PTPRJ: variants seen among roughly 807,000 people sequenced by gnomAD.
The protein encoded by PTPRJ is receptor-type tyrosine-protein phosphatase eta.
Under a neutral mutation model 141.3 loss-of-function variants are expected in PTPRJ, and 129 were observed. The ratio of observed to expected loss-of-function variants is 0.91; its 90% CI spans 0.79 to 1.06. The LOEUF (loss-of-function observed/expected upper bound fraction) is 1.06. Ranked by LOEUF, PTPRJ falls within the 50% of genes least tolerant of loss-of-function variation. The pLI is 0.00. For missense variants in PTPRJ, 1,601 were observed against 1,679.7 expected (o/e 0.95, Z 0.82); for synonymous variants, 610 against 640.5 (o/e 0.95, Z 0.72).
At position 48,143,069 on chromosome 11, in the gene PTPRJ, G is replaced by T; in HGVS notation, c.2575+19G>T. On this transcript the variant is annotated intron_variant, in intron 12 of 24. Coordinates refer to ENST00000418331, the MANE Select transcript of PTPRJ (RefSeq NM_002843.4). Reference sequence around the variant, plus strand: ...GGGGAAGGTAAGGAGAGGCCTCCGTGGGTTAAACAGCCCATGAGTGATGCA... The same window carrying T: ...GGGGAAGGTAAGGAGAGGCCTCCGTTGGTTAAACAGCCCATGAGTGATGCA... 6.2e-7 allele frequency: 1 copy of T among 1,613,562 alleles called. No individual in the cohort carries two copies. The highest frequency in any genetic ancestry group is 2.2e-5 in the East Asian group (1 of 44,876).
chr11:48,126,775 AACACACACAC>A (rs10599361), intron 6 of PTPRJ, among the ~76,000 whole-genome samples: 47 of 137,244 alleles, frequency 3.4e-4, no homozygotes, highest in South Asian at 7.3e-4. Flanking sequence ...AGTCTGTTGC[AACACACACAC>A]ACACACACAC....
chr11:47,985,293 G>A (rs985428344), intron 1 of PTPRJ, among the ~76,000 whole-genome samples: 3 of 152,146 alleles, frequency 2.0e-5, no homozygotes, highest in East Asian at 1.9e-4. Context: ...GACTAAAGGC[G>A]TGTGCTACCA....
rs780419035 is a variant in PTPRJ, at chr11:48,145,142, G to GTCCTGGC, written c.2911+19_2911+25dup. 6.2e-7 allele frequency: 1 copy of GTCCTGGC among 1,613,266 alleles called. No individual in the cohort carries two copies. Among genetic ancestry groups the GTCCTGGC allele is most frequent in the South Asian group, 1.1e-5 (1 of 91,026 alleles). On this transcript the variant is annotated intron_variant, in intron 14 of 24. Transcript: ENST00000418331. The stretch of plus-strand genomic sequence containing the variant: ...GGATCCAGGTAGGGAGAAGACAACA[G>GTCCTGGC]TCCTGGCACTGGTTCAGTGGCATTT...
intron 1 of PTPRJ, among the ~76,000 whole-genome samples, chr11:48,094,254 T>C (rs543707061): frequency 6.6e-6 from 1 of 152,346 alleles, no homozygotes; most frequent in African/African-American, 2.4e-5. Flanking sequence ...AAGAAAGTTC[T>C]TACATTGTTA....
At chr11:48,077,368 T>C (rs1855430501) in intron 1 of PTPRJ, among the ~76,000 whole-genome samples, 2 of 152,148 alleles carry the variant, frequency 1.3e-5, no homozygotes, top group Non-Finnish European at 2.9e-5. Context: ...GGGTGTGGGC[T>C]GAAAGAGAAG....
chr11:47,993,009 TA>T (rs553217290), intron 1 of PTPRJ, among the ~76,000 whole-genome samples: 2 of 151,920 alleles, frequency 1.3e-5, no homozygotes, highest in Admixed American at 6.6e-5. Flanking sequence ...CCAGACACAG[TA>T]AAAAAAACCA....
In PTPRJ at chr11:48,121,047, A is replaced by G; in HGVS notation, c.397A>G (p.Thr133Ala). ...CATTAAAGCTGTTTCCATCAGTCCA[A>G]CCAATGTGATCTTAACTTGGAAAAG... ...FDIKAVSISP[T>A]NVILTWKSND... Residue 133 changes from threonine (T) to alanine (A), a missense_variant, in exon 4 of 25, where the codon ACC (threonine) becomes GCC (alanine). Physicochemically the swap from Thr to Ala is moderately conservative, Grantham distance 58. Transcript: ENST00000418331. 1 of 1,612,476 alleles carries G rather than the reference A, an allele frequency of 6.2e-7. No homozygotes were observed. The highest frequency in any genetic ancestry group is 1.3e-5 in the African/African-American group (1 of 74,922).
At chr11:48,077,726 A>G (rs965945084) in intron 1 of PTPRJ, among the ~76,000 whole-genome samples, 20 of 152,218 alleles carry the variant, frequency 1.3e-4, no homozygotes, top group Non-Finnish European at 2.6e-4. Context: ...TCCTGACCTC[A>G]TAATGGCTCA....
At chr11:48,037,393 G>A (rs939643472) in intron 1 of PTPRJ, among the ~76,000 whole-genome samples, 14 of 152,154 alleles carry the variant, frequency 9.2e-5, no homozygotes, top group Non-Finnish European at 1.9e-4. Flanking sequence ...GCATTTGAAG[G>A]CTCAGAGAGA....
At chr11:48,119,822 T>C (rs890851760) in intron 3 of PTPRJ, among the ~76,000 whole-genome samples, 4 of 152,226 alleles carry the variant, frequency 2.6e-5, no homozygotes, top group African/African-American at 9.6e-5. Context: ...CTTTTGGGAT[T>C]AGTCCCAAGC....
At chr11:47,983,395 ATG>A (rs1229868861) in intron 1 of PTPRJ, among the ~76,000 whole-genome samples, 1 of 152,194 alleles carries the variant, frequency 6.6e-6, no homozygotes, top group African/African-American at 2.4e-5. Flanking sequence ...GTATGTGCTT[ATG>A]TGTGTGTTAT....
chr11:48,053,253 A>ATATT (rs1854636080), intron 1 of PTPRJ, among the ~76,000 whole-genome samples: 2 of 83,410 alleles, frequency 2.4e-5, no homozygotes, highest in African/African-American at 1.2e-4. Flanking sequence ...TTTATATAAT[A>ATATT]TATATAATAT....
chr11:48,006,945 A>G (rs571977710), intron 1 of PTPRJ, among the ~76,000 whole-genome samples: 1 of 152,256 alleles, frequency 6.6e-6, no homozygotes, highest in East Asian at 1.9e-4. Flanking sequence ...TTGTCTTAAT[A>G]TGAAGCTAGG....
Position 48,169,612 on chromosome 11 carries a change from G to T in PTPRJ, c.*2250G>T, listed in dbSNP as rs1346802483. 1 of 152,128 alleles carries T rather than the reference G, an allele frequency of 6.6e-6. No individual in the cohort carries two copies. Among genetic ancestry groups the T allele is most frequent in the Non-Finnish European group, 1.5e-5 (1 of 68,020 alleles). 9.4% of individuals were successfully genotyped at this position (152,128 alleles called of 1,614,324 possible). On this transcript the variant is annotated 3_prime_UTR_variant, in exon 25 of 25. Coordinates refer to ENST00000418331, the MANE Select transcript of PTPRJ (RefSeq NM_002843.4). Reference sequence around the variant, plus strand: ...ATGTCCGAAACCATTGTGATGGGTGGCAAATCCCAGGGAGCTCCTAAGCCC... The same window carrying T: ...ATGTCCGAAACCATTGTGATGGGTGTCAAATCCCAGGGAGCTCCTAAGCCC...
At chr11:47,989,746 A>G (rs1336133626) in intron 1 of PTPRJ, among the ~76,000 whole-genome samples, 8 of 152,066 alleles carry the variant, frequency 5.3e-5, no homozygotes, top group Non-Finnish European at 8.8e-5. Flanking sequence ...CCCCATGCCA[A>G]TTATTTTAGA....
At chr11:48,132,214 A>G in intron 8 of PTPRJ, 1 of 985,422 alleles carries the variant, frequency 1.0e-6, no homozygotes, top group Non-Finnish European at 1.2e-6. Flanking sequence ...ATACTTTGTT[A>G]GTTCTAGAAG....
intron 1 of PTPRJ, among the ~76,000 whole-genome samples, chr11:48,019,412 T>C (rs1279893071): frequency 7.1e-6 from 1 of 141,524 alleles, no homozygotes; most frequent in Non-Finnish European, 1.5e-5. Context: ...GAGGAGTTAA[T>C]TGTGTTAGAG....
At chr11:48,006,541 C>T (rs1854628623) in intron 1 of PTPRJ, among the ~76,000 whole-genome samples, 1 of 151,968 alleles carries the variant, frequency 6.6e-6, no homozygotes, top group Admixed American at 6.6e-5. Context: ...GTCAGTTTTT[C>T]CTAGTACATA....
intron 1 of PTPRJ, among the ~76,000 whole-genome samples, chr11:48,063,426 C>T (rs1203081895): frequency 6.6e-6 from 1 of 152,214 alleles, no homozygotes; most frequent in African/African-American, 2.4e-5. Flanking sequence ...CTTTCTCGCA[C>T]TGCTCTAAAA....
Sources: allele counts gnomAD v4.1 joint callset (sites outside exome capture counted in the v4.1 genomes callset), GRCh38; gene constraint gnomAD v4.1.1; transcripts MANE v1.5; gene names NCBI Gene and HGNC (gene_info 2026-07-23, HGNC 2026-07-21).